The following EVPLL variants were observed in gnomAD, a reference collection of about 807,000 sequenced individuals.
The protein encoded by EVPLL is envoplakin-like protein.
Under a neutral mutation model 46.2 loss-of-function variants are expected in EVPLL, and 39 were observed. The ratio of observed to expected loss-of-function variants is 0.84; its 90% CI spans 0.65 to 1.10. The LOEUF (loss-of-function observed/expected upper bound fraction) is 1.10. Ranked by LOEUF, EVPLL falls within the 50% of genes least tolerant of loss-of-function variation. EVPLL has a pLI of 0.00. For synonymous variants in EVPLL, 156 were observed against 165.8 expected (o/e 0.94, Z 0.46); for missense variants, 385 against 412.6 (o/e 0.93, Z 0.58).
chr17:18,385,067 G>GGA (rs991223807), intron 9 of EVPLL, among the ~76,000 whole-genome samples: 3 of 151,618 alleles, frequency 2.0e-5, no homozygotes, highest in Non-Finnish European at 2.9e-5. Context: ...AGGGAGAGAG[G>GGA]GAGAGAGAGA....
intron 1 of EVPLL, chr17:18,380,490 G>C (rs567056148): frequency 5.5e-6 from 1 of 182,280 alleles, no homozygotes; most frequent in East Asian, 1.5e-4. Flanking sequence ...GTGGGGGTGG[G>C]GGGCATGCTG....
intron 9 of EVPLL, among the ~76,000 whole-genome samples, chr17:18,385,765 G>A (rs1987745740): frequency 6.6e-6 from 1 of 152,180 alleles, no homozygotes; most frequent in East Asian, 1.9e-4. Flanking sequence ...ATTTAAACCT[G>A]TATCTTGAGT....
At chr17:18,382,300 CAG>C (rs1329614065) in intron 4 of EVPLL, 7 of 487,752 alleles carry the variant, frequency 1.4e-5, no homozygotes, top group Non-Finnish European at 2.6e-5. Flanking sequence ...CAGTGGGACT[CAG>C]GGGCCACTGC....
At chr17:18,384,583 T>A (rs2151630736) in intron 9 of EVPLL, among the ~76,000 whole-genome samples, 1 of 151,850 alleles carries the variant, frequency 6.6e-6, no homozygotes, top group Non-Finnish European at 1.5e-5. Flanking sequence ...TATACAAAAA[T>A]TATCTGGATG....
At chr17:18,384,739 A>G (rs1268064277) in intron 9 of EVPLL, among the ~76,000 whole-genome samples, 8 of 152,194 alleles carry the variant, frequency 5.3e-5, no homozygotes, top group African/African-American at 1.7e-4. Flanking sequence ...CTGTTAAAAC[A>G]AAACAGAATA....
intron 9 of EVPLL, 192 bp from the exon 10 acceptor site, chr17:18,388,027 C>CATATATATATATATACATGT (rs1987825640): frequency 1.2e-5 from 1 of 83,574 alleles, no homozygotes; most frequent in African/African-American, 8.5e-5. Context: ...TCTCTCTCTC[C>CATATATATATATATACATGT]ATATATATAT....
rs747523459 is a variant in EVPLL at position 18,383,189 on chromosome 17, G to C, written c.672+4G>C. Reference sequence around the variant, plus strand: ...GGGCGTGCGGCGGGAATACGAGGTCGGCTGGCAGAGGTTGGGGCCAGGCGG... The same window carrying C: ...GGGCGTGCGGCGGGAATACGAGGTCCGCTGGCAGAGGTTGGGGCCAGGCGG... On this transcript the variant is annotated splice_donor_region_variant and intron_variant, in intron 7 of 10. Transcript: ENST00000399134. The C allele has an allele frequency of 6.5e-7, 1 of 1,546,090 alleles. No homozygotes were observed. Among genetic ancestry groups the C allele is most frequent in the Admixed American group, 1.9e-5 (1 of 52,284 alleles).
In EVPLL at chr17:18,381,158, A is replaced by G; in HGVS notation, c.63+158A>G. 8.4e-7 allele frequency: 1 copy of G among 1,187,176 alleles called. No homozygotes were observed. The highest frequency in any genetic ancestry group is 1.2e-6 in the Non-Finnish European group (1 of 847,684). The allele number at this position is 1,187,176 out of a possible 1,614,324, so 73.5% of individuals were successfully genotyped here. ...CCTGTCCCCTAACACACGGTGGGAGAGAGGGCTCAACTTCCTTCTTTGCTG... is the reference window on the plus strand; with the variant it reads ...CCTGTCCCCTAACACACGGTGGGAGGGAGGGCTCAACTTCCTTCTTTGCTG... On this transcript the variant is annotated intron_variant, in intron 2 of 10. Transcript: ENST00000399134. The surrounding 1 kb of genome is among the most constrained non-coding windows in gnomAD (Gnocchi z 4.2).
At chr17:18,383,623 C>A in intron 9 of EVPLL, 36 bp downstream of exon 9, 1 of 946,026 alleles carries the variant, frequency 1.1e-6, no homozygotes, top group Non-Finnish European at 1.5e-6. Flanking sequence ...GGCAGGGCGG[C>A]AGGGCGGGAG....
chr17:18,383,060 C>T lies in EVPLL; in HGVS notation c.547C>T (p.Pro183Ser), dbSNP rs1987640908. ...GVVARAEPGQ[P>S]VHALQGCTWQ... Reference sequence around the variant, plus strand: ...CGTGGCGCGGGCAGAGCCTGGGCAGCCTGTACACGCACTGCAGGGCTGCAC... The same window carrying T: ...CGTGGCGCGGGCAGAGCCTGGGCAGTCTGTACACGCACTGCAGGGCTGCAC... Residue 183 changes from proline (P) to serine (S), a missense_variant, in exon 7 of 11, where the codon CCT (proline) becomes TCT (serine). By Grantham distance (74) the Pro-to-Ser change is moderately conservative (BLOSUM62 -1). Coordinates refer to ENST00000399134, the MANE Select transcript of EVPLL (RefSeq NM_001145127.2). The T allele has an allele frequency of 1.9e-6, 3 of 1,560,042 alleles. No homozygotes were observed. The highest frequency in any genetic ancestry group is 1.2e-5 in the South Asian group (1 of 86,170).
intron 9 of EVPLL, among the ~76,000 whole-genome samples, chr17:18,386,903 T>G (rs1027342857): frequency 4.6e-5 from 7 of 150,602 alleles, no homozygotes; most frequent in Admixed American, 2.0e-4. Flanking sequence ...AATTTTTTTT[T>G]TTTTTTTTTG....
At chr17:18,380,109 G>GGGGGGGTCCA (rs1373246137) in intron 1 of EVPLL, 1 of 152,254 alleles carries the variant, frequency 6.6e-6, no homozygotes, top group East Asian at 1.9e-4. Context: ...AAGGCACTGT[G>GGGGGGGTCCA]CTCATAAGGC....
chr17:18,378,280 C>T (rs572751084), intron 1 of EVPLL, among the ~76,000 whole-genome samples: 2 of 152,322 alleles, frequency 1.3e-5, no homozygotes, highest in East Asian at 1.9e-4. Flanking sequence ...CGGACAGGAG[C>T]CTGCACTGAT....
intron 9 of EVPLL, among the ~76,000 whole-genome samples, chr17:18,386,687 A>T (rs1211676205): frequency 2.0e-5 from 3 of 152,082 alleles, no homozygotes; most frequent in African/African-American, 7.2e-5. Context: ...GCAAAGATGC[A>T]GCTTAGAATG....
At chr17:18,385,331 G>A (rs1433926100) in intron 9 of EVPLL, among the ~76,000 whole-genome samples, 2 of 91,110 alleles carry the variant, frequency 2.2e-5, no homozygotes, top group East Asian at 4.2e-4. Context: ...CGGTTCGGGA[G>A]GACCAGTGGT....
At chr17:18,378,488 T>C (rs1987454401) in intron 1 of EVPLL, among the ~76,000 whole-genome samples, 1 of 152,056 alleles carries the variant, frequency 6.6e-6, no homozygotes, top group South Asian at 2.1e-4. Flanking sequence ...TCCCCAGAGC[T>C]CTCACCCAGG....
chr17:18,384,722 ACC>A (rs1200086308), intron 9 of EVPLL, among the ~76,000 whole-genome samples: 1 of 152,116 alleles, frequency 6.6e-6, no homozygotes, highest in Non-Finnish European at 1.5e-5. Flanking sequence ...ACAGAGCAAG[ACC>A]CTGTCTGTTA....
chr17:18,378,167 C>T (rs976645080), intron 1 of EVPLL, among the ~76,000 whole-genome samples, 184 bp downstream of exon 1: 5 of 152,236 alleles, frequency 3.3e-5, no homozygotes, highest in African/African-American at 9.6e-5. Flanking sequence ...AGGCCCAGGC[C>T]GAACTTCAGC....
intron 1 of EVPLL, among the ~76,000 whole-genome samples, chr17:18,379,377 C>T (rs541854511): frequency 1.8e-4 from 27 of 152,334 alleles, no homozygotes; most frequent in African/African-American, 5.8e-4. Flanking sequence ...GCGTCTGGGC[C>T]GACGGGAAAG....
Sources: allele counts gnomAD v4.1 joint callset (sites outside exome capture counted in the v4.1 genomes callset), GRCh38; gene constraint gnomAD v4.1.1; non-coding constraint Gnocchi (gnomAD v3.1); transcripts MANE v1.5; gene names NCBI Gene and HGNC (gene_info 2026-07-23, HGNC 2026-07-21).